The following DMRT1 variants were observed in gnomAD, a reference collection of about 807,000 sequenced individuals.
The protein encoded by DMRT1 is doublesex- and mab-3-related transcription factor 1.
In DMRT1, 7 loss-of-function variants were observed where a neutral mutation model predicts 32.3. The observed-to-expected ratio is 0.22, with a 90% CI of 0.12 to 0.41. The LOEUF is 0.41. Among genes scored for constraint, DMRT1 ranks in the 10% least tolerant of loss-of-function variants. The pLI is 1.00. For missense variants in DMRT1, 625 were observed against 500.5 expected (o/e 1.25, Z -2.37); for synonymous variants, 278 against 206.1 (o/e 1.35, Z -2.99).
At chr9:885,214 C>T (rs761546797) in intron 2 of DMRT1, among the ~76,000 whole-genome samples, 1 of 152,286 alleles carries the variant, frequency 6.6e-6, no homozygotes, top group South Asian at 2.1e-4. Flanking sequence ...GTGTGTGTTA[C>T]AGGGTGCCTT....
At chr9:921,837 A>C (rs886205583) in intron 4 of DMRT1, among the ~76,000 whole-genome samples, 1 of 152,092 alleles carries the variant, frequency 6.6e-6, no homozygotes, top group Non-Finnish European at 1.5e-5. Context: ...ACACCATTGC[A>C]CTCCAGCCTG....
chr9:883,121 C>G (rs1414045479), intron 2 of DMRT1, among the ~76,000 whole-genome samples: 1 of 151,890 alleles, frequency 6.6e-6, no homozygotes, highest in Non-Finnish European at 1.5e-5. Context: ...TACGCATAGC[C>G]TGCCATCTGT....
In DMRT1 at chr9:916,903, G is replaced by C. The variant is rs146258506; in HGVS notation, c.963G>C (p.Ala321=). The part of the protein sequence containing the change: ...EDAPSYPEAR[A]SVFSPPSSQD... Reference sequence around the variant, plus strand: ...CTCCCTCTTACCCGGAAGCCAGGGCGAGCGGTAGGTGTCTGGTCACACAGA... The same window carrying C: ...CTCCCTCTTACCCGGAAGCCAGGGCCAGCGGTAGGTGTCTGGTCACACAGA... The change falls in exon 4 of 5, where the codon GCG becomes GCC. Residue 321 remains alanine (A), a synonymous_variant. Transcript: ENST00000382276. 3 of 1,614,050 alleles carry C rather than the reference G, an allele frequency of 1.9e-6. No homozygotes were observed. The highest frequency in any genetic ancestry group is 2.5e-6 in the Non-Finnish European group (3 of 1,180,042).
chr9:864,391 C>A (rs1036840865), intron 2 of DMRT1, among the ~76,000 whole-genome samples: 1 of 151,748 alleles, frequency 6.6e-6, no homozygotes, highest in African/African-American at 2.4e-5. Flanking sequence ...TTTAGTTTCA[C>A]CATGATGACC....
In DMRT1 at chr9:917,419, T is replaced by C. The variant is rs1289736422; in HGVS notation, c.967+512T>C. Among the ~76,000 whole-genome samples the C allele has an allele frequency of 3.9e-5, 6 of 152,310 alleles. No individual in the cohort carries two copies. The East Asian group carries it at 9.6e-4, about 24-fold the overall frequency. ...GATATAATGGCTTTGAAATAAAAAA[T>C]GACTGTTTAATGAATCAAAGCACTT... is the stretch of plus-strand genomic sequence containing the variant. On this transcript the variant is annotated intron_variant, in intron 4 of 4. Coordinates refer to ENST00000382276, the MANE Select transcript of DMRT1 (RefSeq NM_021951.3).
intron 1 of DMRT1, among the ~76,000 whole-genome samples, chr9:844,165 G>A (rs942059682): frequency 1.3e-5 from 2 of 151,972 alleles, no homozygotes; most frequent in African/African-American, 4.8e-5. Flanking sequence ...TGCTTACACC[G>A]TTAAAAACAA....
In DMRT1 at chr9:846,308, C is replaced by G. The variant is rs531647756; in HGVS notation, c.355-652C>G. Among the ~76,000 whole-genome samples, 4 of 152,280 alleles carry G rather than the reference C, an allele frequency of 2.6e-5. No homozygotes were observed. The South Asian group carries it at 8.3e-4, about 32-fold the overall frequency. On this transcript the variant is annotated intron_variant, in intron 1 of 4. Coordinates refer to ENST00000382276, the MANE Select transcript of DMRT1 (RefSeq NM_021951.3). ...TCTGCCTCCCAAAGTGCTGGGATTACAGGTGCGAACCACCACTCCTGGCCC... is the reference window on the plus strand; with the variant it reads ...TCTGCCTCCCAAAGTGCTGGGATTAGAGGTGCGAACCACCACTCCTGGCCC...
chr9:916,806 G>C lies in DMRT1; in HGVS notation c.866G>C (p.Arg289Thr). The change falls in exon 4 of 5, where the codon AGG becomes ACG. Residue 289 changes from arginine (R) to threonine (T), a missense_variant. This residue lies in a region of DMRT1 where 416 missense variants were observed against 321.6 expected (regional missense o/e 1.29). Coordinates refer to ENST00000382276, the MANE Select transcript of DMRT1 (RefSeq NM_021951.3). ...CGCCATGCAATGAGCTCCCAGTACA[G>C]GATGCATTCTTACTACCCGCCTCCC... Reference protein sequence around the residue: ...ENRHAMSSQYRMHSYYPPPSY... With the variant: ...ENRHAMSSQYTMHSYYPPPSY... The C allele has an allele frequency of 6.2e-7, 1 of 1,614,212 alleles. No homozygotes were observed. Among genetic ancestry groups the C allele is most frequent in the Non-Finnish European group, 8.5e-7 (1 of 1,180,036 alleles).
chr9:937,202 T>C (rs971230375), intron 4 of DMRT1, among the ~76,000 whole-genome samples: 2 of 152,236 alleles, frequency 1.3e-5, no homozygotes, highest in African/African-American at 4.8e-5. Flanking sequence ...GGCTGAATAA[T>C]ATTGCATTGC....
At position 960,946 on chromosome 9, in the gene DMRT1, TGTG is replaced by T. The variant is rs1197977008; in HGVS notation, c.968-7036_968-7034del. Reference sequence around the variant, plus strand: ...GTTCAGACAGCATCAGGTGCTGAGATGTGGTTGTCACCGGGCCACACGTGTGGG... The same window carrying T: ...GTTCAGACAGCATCAGGTGCTGAGATGTTGTCACCGGGCCACACGTGTGGG... On this transcript the variant is annotated intron_variant, in intron 4 of 4. Transcript: ENST00000382276. 3.3e-5 allele frequency among the ~76,000 whole-genome samples: 5 copies of T among 152,284 alleles called. No individual in the cohort carries two copies. In the South Asian group the frequency reaches 1.0e-3, roughly 32 times the overall value.
At chr9:944,033 T>A (rs1819162758) in intron 4 of DMRT1, among the ~76,000 whole-genome samples, 1 of 152,210 alleles carries the variant, frequency 6.6e-6, no homozygotes, top group African/African-American at 2.4e-5. Context: ...AGTAACCATA[T>A]AAACTTGGGC....
chr9:968,175 A>G lies in DMRT1; in HGVS notation c.*36A>G. The G allele has an allele frequency of 4.3e-6, 7 of 1,612,686 alleles. No homozygotes were observed. Among genetic ancestry groups the G allele is most frequent in the Non-Finnish European group, 5.9e-6 (7 of 1,179,642 alleles). The stretch of plus-strand genomic sequence containing the variant: ...CTGCCGATGGCGGTTCACTTGGAGT[A>G]ACAGGCTTATTCCACTTTCCATGGG... On this transcript the variant is annotated 3_prime_UTR_variant, in exon 5 of 5. Coordinates refer to ENST00000382276, the MANE Select transcript of DMRT1 (RefSeq NM_021951.3).
intron 4 of DMRT1, among the ~76,000 whole-genome samples, chr9:932,391 G>T (rs1818754294): frequency 3.3e-5 from 5 of 152,172 alleles, no homozygotes; most frequent in Admixed American, 3.3e-4. Flanking sequence ...GTTATAATGA[G>T]CCAATGCAAT....
intron 2 of DMRT1, among the ~76,000 whole-genome samples, chr9:878,721 C>G (rs1013210419): frequency 6.6e-6 from 1 of 152,100 alleles, no homozygotes; most frequent in Non-Finnish European, 1.5e-5. Context: ...TGGCAGAAAA[C>G]GTTATGGCCG....
intron 4 of DMRT1, among the ~76,000 whole-genome samples, chr9:938,601 A>C (rs1818962321): frequency 6.6e-6 from 1 of 152,192 alleles, no homozygotes; most frequent in Non-Finnish European, 1.5e-5. Flanking sequence ...TGTTGATTTT[A>C]TATCCTGCAA....
chr9:899,961 A>T (rs187511993), intron 3 of DMRT1, among the ~76,000 whole-genome samples: 3 of 152,312 alleles, frequency 2.0e-5, no homozygotes, highest in African/African-American at 7.2e-5. Flanking sequence ...TCTGGTGGTT[A>T]TGTGGTCTCC....
rs376610214 is a variant in DMRT1, at chr9:902,055, G to A, written c.822+7860G>A. On this transcript the variant is annotated intron_variant, in intron 3 of 4. Transcript: ENST00000382276. ...GTCCTGAGTAGCTGGGATTACAGGC[G>A]TGCACCACCACGCCCAGCTAATTTT... 2.3e-3 allele frequency among the ~76,000 whole-genome samples: 352 copies of A among 149,872 alleles called. 1 individual carries two copies. The highest frequency in any genetic ancestry group is 7.8e-3 in the African/African-American group (314 of 40,460).
At chr9:861,471 A>G (rs1376976378) in intron 2 of DMRT1, among the ~76,000 whole-genome samples, 1 of 150,160 alleles carries the variant, frequency 6.7e-6, no homozygotes, top group Non-Finnish European at 1.5e-5. Flanking sequence ...GCTTCTTTCT[A>G]CACAGACACA....
chr9:907,296 A>C lies in DMRT1; in HGVS notation c.823-9467A>C, dbSNP rs143588003. ...TTGCTTTTATGTAAATGGTACTTGC[A>C]TTTATGCCTGGTATACATGGGTTCA... is the stretch of plus-strand genomic sequence containing the variant. On this transcript the variant is annotated intron_variant, in intron 3 of 4. Coordinates refer to ENST00000382276, the MANE Select transcript of DMRT1 (RefSeq NM_021951.3). 1.3e-4 allele frequency among the ~76,000 whole-genome samples: 20 copies of C among 152,280 alleles called. No homozygotes were observed. In the East Asian group the frequency reaches 3.9e-3, roughly 29 times the overall value.
Sources: gnomAD v4.1 joint callset for allele counts (sites outside exome capture counted in the v4.1 genomes callset) on GRCh38, gnomAD v4.1.1 for gene constraint, gnomAD v4.1.1 regional missense constraint, MANE v1.5 for transcripts, NCBI Gene and HGNC (gene_info 2026-07-23, HGNC 2026-07-21) for gene names.